Variants in CDK14 observed in about 807,000 individuals in gnomAD.
CDK14 encodes cyclin-dependent kinase 14.
Under a neutral mutation model 60.7 loss-of-function variants are expected in CDK14, and 34 were observed. The ratio of observed to expected loss-of-function variants is 0.56; its 90% CI spans 0.43 to 0.75. CDK14 has a LOEUF of 0.75. CDK14 is among the 30% of genes least tolerant of loss of function. The pLI, the probability that CDK14 is intolerant of heterozygous loss-of-function variation, is 0.00. For synonymous variants in CDK14, 197 were observed against 203.7 expected, an observed-to-expected ratio of 0.97 and a Z score of 0.28; for missense variants, 482 against 564.1, an observed-to-expected ratio of 0.85 and a Z score of 1.47.
intron 14 of CDK14, among the ~76,000 whole-genome samples, chr7:91,165,236 C>T (rs1320017136): frequency 2.6e-5 from 4 of 152,182 alleles, no homozygotes; most frequent in Admixed American, 6.5e-5. Flanking sequence ...TAGATTGTTG[C>T]ACATTTCTTC....
intron 6 of CDK14, among the ~76,000 whole-genome samples, chr7:90,889,630 A>T (rs879330615): frequency 3.2e-4 from 49 of 152,332 alleles, no homozygotes; most frequent in Admixed American, 2.0e-3. Context: ...GAGGATTTTT[A>T]TGTAGTATAA....
intron 11 of CDK14, among the ~76,000 whole-genome samples, chr7:91,057,584 A>C (rs1797621449): frequency 6.6e-6 from 1 of 152,184 alleles, no homozygotes; most frequent in Admixed American, 6.5e-5. Context: ...ATTTTTGTAT[A>C]AGGTATAAGG....
At chr7:90,911,085 GCTTT>G (rs1792882294) in intron 7 of CDK14, among the ~76,000 whole-genome samples, 1 of 152,062 alleles carries the variant, frequency 6.6e-6, no homozygotes, top group Non-Finnish European at 1.5e-5. Flanking sequence ...CTTGTCTGAG[GCTTT>G]CTTTCTTTTT....
chr7:91,032,968 T>A (rs1395369974), intron 10 of CDK14, among the ~76,000 whole-genome samples: 2 of 152,238 alleles, frequency 1.3e-5, no homozygotes, highest in African/African-American at 4.8e-5. Context: ...TAAATTAAAA[T>A]TTTAAAGCAC....
chr7:90,862,911 G>T (rs1392222071), intron 5 of CDK14, among the ~76,000 whole-genome samples: 1 of 152,142 alleles, frequency 6.6e-6, no homozygotes, highest in African/African-American at 2.4e-5. Flanking sequence ...CAGGCACTGT[G>T]TTATACACCT....
At chr7:90,731,430 G>C (rs905083713) in intron 3 of CDK14, among the ~76,000 whole-genome samples, 2 of 152,182 alleles carry the variant, frequency 1.3e-5, no homozygotes, top group Non-Finnish European at 2.9e-5. Flanking sequence ...AATTACTTTA[G>C]GCAGTATGGC....
At chr7:90,702,361 T>C (rs1180634495) in intron 2 of CDK14, among the ~76,000 whole-genome samples, 2 of 152,312 alleles carry the variant, frequency 1.3e-5, no homozygotes, top group South Asian at 2.1e-4. Context: ...CTGTGACTTA[T>C]GCATGTTTGT....
intron 1 of CDK14, among the ~76,000 whole-genome samples, chr7:90,602,957 A>G (rs1018830486): frequency 7.2e-5 from 11 of 152,240 alleles, no homozygotes; most frequent in African/African-American, 2.7e-4. Flanking sequence ...TAGAGTATGT[A>G]TCCTAAGCTT....
intron 5 of CDK14, among the ~76,000 whole-genome samples, chr7:90,820,042 C>T (rs1174943191): frequency 2.0e-5 from 3 of 151,956 alleles, no homozygotes; most frequent in African/African-American, 7.3e-5. Flanking sequence ...GTTTTTGCGC[C>T]CCCAACCCCA....
intron 9 of CDK14, among the ~76,000 whole-genome samples, chr7:90,976,844 A>G (rs1795086960): frequency 6.6e-6 from 1 of 152,052 alleles, no homozygotes; most frequent in African/African-American, 2.4e-5. Context: ...GTGTAGCTAC[A>G]TTCCTACCCC....
chr7:90,952,711 A>C (rs1422817462), intron 8 of CDK14, among the ~76,000 whole-genome samples: 1 of 152,166 alleles, frequency 6.6e-6, no homozygotes, highest in Non-Finnish European at 1.5e-5. Flanking sequence ...TTTTGATAAT[A>C]ATCCATGAAC....
intron 6 of CDK14, among the ~76,000 whole-genome samples, chr7:90,875,917 GT>G (rs1225152177): frequency 6.6e-6 from 1 of 151,712 alleles, no homozygotes; most frequent in African/African-American, 2.4e-5. Flanking sequence ...ATTCTTCCTT[GT>G]TTCAAGGTTG....
intron 14 of CDK14, among the ~76,000 whole-genome samples, chr7:91,162,588 A>G (rs1171487008): frequency 1.3e-5 from 2 of 152,198 alleles, no homozygotes; most frequent in African/African-American, 4.8e-5. Context: ...CAAAGGCCGC[A>G]AGGTCAGACT....
intron 4 of CDK14, among the ~76,000 whole-genome samples, chr7:90,770,544 C>A (rs11763871): frequency 0.21 from 31,242 of 152,198 alleles, 3,355 homozygotes; most frequent in South Asian, 0.24. Context: ...GTAATACAAA[C>A]GTGGATTGAT....
intron 14 of CDK14, among the ~76,000 whole-genome samples, chr7:91,176,830 C>G (rs1224193611): frequency 2.0e-5 from 3 of 151,816 alleles, no homozygotes; most frequent in Non-Finnish European, 4.4e-5. Context: ...GCTTACCAAC[C>G]AAAAAGGGTC....
intron 3 of CDK14, among the ~76,000 whole-genome samples, chr7:90,746,933 G>A (rs1231730189): frequency 6.6e-6 from 1 of 152,188 alleles, no homozygotes; most frequent in Non-Finnish European, 1.5e-5. Context: ...AAAGGTATCA[G>A]AAGAGTACCT....
At chr7:90,634,768 A>G (rs918521037) in intron 2 of CDK14, among the ~76,000 whole-genome samples, 12 of 151,820 alleles carry the variant, frequency 7.9e-5, no homozygotes, top group African/African-American at 2.4e-4. Context: ...AAGTGTTCCT[A>G]TTTGTCCACA....
intron 9 of CDK14, among the ~76,000 whole-genome samples, chr7:90,966,354 A>G (rs1794750808): frequency 6.6e-6 from 1 of 152,140 alleles, no homozygotes; most frequent in African/African-American, 2.4e-5. Flanking sequence ...CTATAAATCT[A>G]TACACTTAGA....
intron 9 of CDK14, among the ~76,000 whole-genome samples, chr7:90,964,596 C>G (rs1794701291): frequency 6.6e-6 from 1 of 152,142 alleles, no homozygotes; most frequent in Non-Finnish European, 1.5e-5. Flanking sequence ...GAAGCAACTA[C>G]TTTTAACTGT....
Sources: gnomAD v4.1 joint callset for allele counts (sites outside exome capture counted in the v4.1 genomes callset) on GRCh38, gnomAD v4.1.1 for gene constraint, MANE v1.5 for transcripts, NCBI Gene and HGNC (gene_info 2026-07-23, HGNC 2026-07-21) for gene names.